Variants in THSD4 observed in about 807,000 individuals in gnomAD.
THSD4 encodes the protein thrombospondin type 1 domain containing 4.
Under a neutral mutation model 119.0 loss-of-function variants are expected in THSD4, and 69 were observed. The ratio of observed to expected loss-of-function variants is 0.58; its 90% confidence interval spans 0.48 to 0.71. The LOEUF (loss-of-function observed/expected upper bound fraction) is 0.71. THSD4 is among the 30% of genes least tolerant of loss of function. The pLI, the probability that THSD4 is intolerant of heterozygous loss-of-function variation, is 0.00. For missense variants in THSD4, 1,393 were observed against 1,391.1 expected (o/e 1.00, Z -0.02); for synonymous variants, 524 against 540.4 (o/e 0.97, Z 0.42).
At chr15:71,369,718 A>G (rs1209309439) in intron 6 of THSD4, among the ~76,000 whole-genome samples, 5 of 152,198 alleles carry the variant, frequency 3.3e-5, no homozygotes, top group Admixed American at 6.5e-5. Context: ...ATCAATGTTC[A>G]TCAAGGATAT....
At chr15:71,372,388 T>A (rs1333887103) in intron 6 of THSD4, among the ~76,000 whole-genome samples, 2 of 152,208 alleles carry the variant, frequency 1.3e-5, no homozygotes, top group Non-Finnish European at 2.9e-5. Flanking sequence ...TTCTGCTCTG[T>A]TTTTTCCCCA....
At chr15:71,574,327 C>T (rs746731613) in intron 7 of THSD4, among the ~76,000 whole-genome samples, 1 of 152,156 alleles carries the variant, frequency 6.6e-6, no homozygotes, top group Non-Finnish European at 1.5e-5. Context: ...ATTGTCATCC[C>T]CTTTTGCTGA....
At chr15:71,338,405 G>A (rs2045515977) in intron 6 of THSD4, among the ~76,000 whole-genome samples, 2 of 152,076 alleles carry the variant, frequency 1.3e-5, no homozygotes, top group African/African-American at 2.4e-5. Context: ...ATATCAGGGA[G>A]GTTCACATTG....
intron 3 of THSD4, among the ~76,000 whole-genome samples, chr15:71,180,746 G>T (rs2043512720): frequency 6.6e-6 from 1 of 152,122 alleles, no homozygotes; most frequent in South Asian, 2.1e-4. Context: ...AATAAAATCA[G>T]AATAGTGGAT....
intron 6 of THSD4, among the ~76,000 whole-genome samples, chr15:71,383,473 A>G (rs2046252017): frequency 6.6e-6 from 1 of 152,214 alleles, no homozygotes; most frequent in South Asian, 2.1e-4. Context: ...CAAAATGGCC[A>G]CTGTGATATT....
At chr15:71,174,797 G>T (rs891804238) in intron 3 of THSD4, among the ~76,000 whole-genome samples, 5 of 152,002 alleles carry the variant, frequency 3.3e-5, no homozygotes, top group Non-Finnish European at 7.4e-5. Context: ...ATCTGAGAAC[G>T]TGCAGACTGC....
At chr15:71,201,190 A>G (rs1018672233) in intron 3 of THSD4, among the ~76,000 whole-genome samples, 4 of 151,832 alleles carry the variant, frequency 2.6e-5, no homozygotes, top group Admixed American at 2.0e-4. Flanking sequence ...AAAAAAAGAG[A>G]TGGAGGACCC....
intron 7 of THSD4, among the ~76,000 whole-genome samples, chr15:71,484,623 G>A (rs1405140190): frequency 6.6e-6 from 1 of 152,174 alleles, no homozygotes; most frequent in Non-Finnish European, 1.5e-5. Flanking sequence ...TTGAACTTGG[G>A]AAGGTTCAAA....
chr15:71,636,088 C>A (rs1467215580), intron 7 of THSD4, among the ~76,000 whole-genome samples: 1 of 152,074 alleles, frequency 6.6e-6, no homozygotes, highest in East Asian at 1.9e-4. Flanking sequence ...TGTCATGGGA[C>A]CTTCAACAAA....
At chr15:71,568,641 G>T (rs1333713141) in intron 7 of THSD4, among the ~76,000 whole-genome samples, 1 of 148,082 alleles carries the variant, frequency 6.8e-6, no homozygotes, top group Non-Finnish European at 1.5e-5. Flanking sequence ...TGCACAACGT[G>T]CTAGTTTGTC....
At chr15:71,562,509 G>C (rs1340528954) in intron 7 of THSD4, among the ~76,000 whole-genome samples, 1 of 152,076 alleles carries the variant, frequency 6.6e-6, no homozygotes, top group Admixed American at 6.6e-5. Context: ...CATATATGCC[G>C]ATAAGCCAGA....
intron 16 of THSD4, among the ~76,000 whole-genome samples, chr15:71,770,017 C>T (rs1471380440): frequency 1.2e-4 from 11 of 95,600 alleles, no homozygotes; most frequent in Non-Finnish European, 2.0e-4. Context: ...CAGGCCAAGG[C>T]GGGCAGATCA....
In THSD4 at chr15:71,755,317, A is replaced by G. The variant is rs560653398; in HGVS notation, c.2416-2585A>G. On this transcript the variant is annotated intron_variant, in intron 14 of 17. Coordinates refer to ENST00000261862, the MANE Select transcript of THSD4 (RefSeq NM_024817.3). ...TAAATGTTTGATCGCTCATGCTGGCATGTGATTTTACAAGACTAGATGTCA... is the reference window on the plus strand; with the variant it reads ...TAAATGTTTGATCGCTCATGCTGGCGTGTGATTTTACAAGACTAGATGTCA... 2.0e-4 allele frequency among the ~76,000 whole-genome samples: 30 copies of G among 152,374 alleles called. 1 individual carries two copies. The highest frequency in any genetic ancestry group is 6.5e-4 in the African/African-American group (27 of 41,592).
At chr15:71,330,357 G>A (rs1209523475) in intron 6 of THSD4, among the ~76,000 whole-genome samples, 1 of 152,180 alleles carries the variant, frequency 6.6e-6, no homozygotes, top group Non-Finnish European at 1.5e-5. Flanking sequence ...ATGGCATGCA[G>A]TTGTCATTAA....
chr15:71,770,923 G>T, intron 16 of THSD4, 141 bp from the exon 17 acceptor site: 1 of 1,243,512 alleles, frequency 8.0e-7, no homozygotes, highest in East Asian at 2.4e-5. Context: ...TGTTGAAGCT[G>T]GTTGATAGGT....
chr15:71,211,188 T>A (rs2043885760), intron 3 of THSD4, among the ~76,000 whole-genome samples: 1 of 152,246 alleles, frequency 6.6e-6, no homozygotes, highest in Non-Finnish European at 1.5e-5. Flanking sequence ...GGTGCTTTAT[T>A]TTGCATTATT....
At chr15:71,713,276 T>C (rs2052549637) in intron 8 of THSD4, among the ~76,000 whole-genome samples, 1 of 152,232 alleles carries the variant, frequency 6.6e-6, no homozygotes, top group South Asian at 2.1e-4. Flanking sequence ...GCTGTGTGGC[T>C]ACCCTCTGGC....
chr15:71,152,852 C>T (rs2040737888), intron 2 of THSD4, among the ~76,000 whole-genome samples: 1 of 152,174 alleles, frequency 6.6e-6, no homozygotes, highest in Non-Finnish European at 1.5e-5. Context: ...TCCACCTCCG[C>T]ACCCCCAGCT....
intron 7 of THSD4, among the ~76,000 whole-genome samples, chr15:71,594,139 G>A (rs1026616977): frequency 9.2e-5 from 14 of 151,786 alleles, no homozygotes; most frequent in Non-Finnish European, 1.9e-4. Context: ...TGCCCCTTCT[G>A]CCTCACAGCC....
Sources: allele counts gnomAD v4.1 joint callset (sites outside exome capture counted in the v4.1 genomes callset), GRCh38; gene constraint gnomAD v4.1.1; transcripts MANE v1.5; gene names NCBI Gene and HGNC (gene_info 2026-07-23, HGNC 2026-07-21).